The following GCKR variants were observed in gnomAD, a reference collection of about 807,000 sequenced individuals.
GCKR encodes the protein glucokinase regulator.
GCKR carries 73 observed loss-of-function variants against 82.9 expected under a neutral mutation model. That is an observed-to-expected ratio of 0.88 (90% CI 0.73 to 1.07). GCKR has a LOEUF of 1.07. Among genes scored for constraint, GCKR ranks in the 50% least tolerant of loss-of-function variants. The probability of loss-of-function intolerance (pLI) is 0.00; values close to 1 mark genes in which losing one functional copy is unlikely to be tolerated. For missense variants in GCKR, 784 were observed against 782.1 expected, an observed-to-expected ratio of 1.00 and a Z score of -0.03; for synonymous variants, 294 against 291.8, an observed-to-expected ratio of 1.01 and a Z score of -0.08.
intron 16 of GCKR, among the ~76,000 whole-genome samples, chr2:27,510,817 T>C (rs917887617): frequency 6.6e-6 from 1 of 152,062 alleles, no homozygotes; most frequent in East Asian, 1.9e-4. Context: ...ATTCTTTCTT[T>C]GGGGGGTATT....
At chr2:27,522,321 T>C (rs1670169510) in intron 17 of GCKR, 139 bp from the exon 18 acceptor site, 3 of 837,674 alleles carry the variant, frequency 3.6e-6, no homozygotes, top group Non-Finnish European at 6.0e-6. Flanking sequence ...ATTGCCAACA[T>C]GGACAAATCA....
At chr2:27,513,456 A>C (rs569755305) in intron 16 of GCKR, among the ~76,000 whole-genome samples, 93 of 149,766 alleles carry the variant, frequency 6.2e-4, no homozygotes, top group African/African-American at 2.2e-3. Flanking sequence ...TTGAACCAGG[A>C]GGTAGAGGTT....
chr2:27,501,255 GC>G (rs1323237480), intron 8 of GCKR, 26 bp downstream of exon 8: 6 of 1,468,356 alleles, frequency 4.1e-6, no homozygotes, highest in Non-Finnish European at 5.7e-6. Context: ...TGACTGGGCA[GC>G]CCTGGGGCAG....
In GCKR at chr2:27,523,430, C is replaced by A. The variant is rs150021615; in HGVS notation, c.1869C>A (p.Asp623Glu). The change falls in exon 19 of 19, where the codon GAC becomes GAA. Residue 623 changes from aspartate (D) to glutamate (E), a missense_variant. By Grantham distance (45) the Asp-to-Glu change is conservative. Transcript: ENST00000264717. ...TADPLEILEP[D>E]VQ The stretch of plus-strand genomic sequence containing the variant: ...ACCCCCTCGAGATCCTAGAGCCTGA[C>A]GTTCAGTGAACCCATGTTTCTGGGT... 1 of 1,606,552 alleles carries A rather than the reference C, an allele frequency of 6.2e-7. No homozygotes were observed. Among genetic ancestry groups the A allele is most frequent in the South Asian group, 1.1e-5 (1 of 91,074 alleles).
At chr2:27,503,701 AG>A in intron 9 of GCKR, 82 bp downstream of exon 9, 1 of 751,352 alleles carries the variant, frequency 1.3e-6, no homozygotes, top group Non-Finnish European at 2.4e-6. Flanking sequence ...CTCTGATTTT[AG>A]GTTCTATTAT....
At chr2:27,516,868 C>T (rs779055182) in intron 16 of GCKR, among the ~76,000 whole-genome samples, 1 of 152,070 alleles carries the variant, frequency 6.6e-6, no homozygotes, top group African/African-American at 2.4e-5. Flanking sequence ...TATTTAGTGT[C>T]GTGGACATTC....
intron 9 of GCKR, among the ~76,000 whole-genome samples, chr2:27,504,905 G>C (rs540892971): frequency 6.6e-6 from 1 of 151,764 alleles, no homozygotes; most frequent in South Asian, 2.1e-4. Context: ...GCGGGCAGAT[G>C]ACTTGAGGTC....
Position 27,505,844 on chromosome 2 carries a change from G to A in GCKR, c.869+8G>A, listed in dbSNP as rs1669723557. ...CATTGCAGCATCTCAAAGGTAGGGA[G>A]GATCTGGATAAGAGAGAGCTCAGAG... On this transcript the variant is annotated splice_region_variant and intron_variant, in intron 10 of 18. Coordinates refer to ENST00000264717, the MANE Select transcript of GCKR (RefSeq NM_001486.4). 4 of 1,391,048 alleles carry A rather than the reference G, an allele frequency of 2.9e-6. No homozygotes were observed. The highest frequency in any genetic ancestry group is 4.1e-6 in the Non-Finnish European group (4 of 976,190). 86.2% of individuals were successfully genotyped at this position (1,391,048 alleles called of 1,614,324 possible). A position where few individuals can be genotyped will look rare whatever the true frequency, so the allele number is the denominator to read the frequency against.
At chr2:27,515,431 A>G (rs2148590359) in intron 16 of GCKR, among the ~76,000 whole-genome samples, 1 of 151,034 alleles carries the variant, frequency 6.6e-6, no homozygotes, top group South Asian at 2.1e-4. Context: ...GCTTGCCACC[A>G]TGCCTAGCTA....
At chr2:27,521,861 G>A (rs980556438) in intron 17 of GCKR, among the ~76,000 whole-genome samples, 2 of 151,900 alleles carry the variant, frequency 1.3e-5, no homozygotes, top group Non-Finnish European at 2.9e-5. Context: ...TAGCTGGGAC[G>A]ATAGGCAGGT....
chr2:27,501,541 AG>A, intron 8 of GCKR: 1 of 434,028 alleles, frequency 2.3e-6, no homozygotes, highest in Non-Finnish European at 4.4e-6. Context: ...AAATGGGGTC[AG>A]GAAGATGCAT....
rs202176106 is a variant in GCKR, at chr2:27,523,381, G to A, written c.1820G>A (p.Gly607Glu). The change falls in exon 19 of 19, where the codon GGG becomes GAG. Residue 607 changes from glycine to glutamate, a missense_variant. Coordinates refer to ENST00000264717, the MANE Select transcript of GCKR (RefSeq NM_001486.4). ...GAGGCTGTCAGGAGTGCTCTTGCTGGGCCAGGTCAGAAGCGCACTGCGGAC... is the reference window on the plus strand; with the variant it reads ...GAGGCTGTCAGGAGTGCTCTTGCTGAGCCAGGTCAGAAGCGCACTGCGGAC... ...VCEAVRSALAGPGQKRTADPL... is the reference protein window; with the variant it reads ...VCEAVRSALAEPGQKRTADPL... The A allele has an allele frequency of 1.1e-5, 17 of 1,612,158 alleles. No individual in the cohort carries two copies. In the Admixed American group the frequency reaches 1.5e-4, roughly 14 times the overall value.
intron 4 of GCKR, 128 bp downstream of exon 4, chr2:27,498,451 TTCTC>T (rs1410517741): frequency 2.8e-6 from 2 of 724,092 alleles, no homozygotes; most frequent in Non-Finnish European, 4.8e-6. Flanking sequence ...GCCTGGCTCT[TTCTC>T]TCTTCCAAAA....
Position 27,523,595 on chromosome 2 carries a change from G to C in GCKR, c.*156G>C, listed in dbSNP as rs1670204210. 1.4e-6 allele frequency: 1 copy of C among 715,192 alleles called. No individual in the cohort carries two copies. Among genetic ancestry groups the C allele is most frequent in the African/African-American group, 1.7e-5 (1 of 57,206 alleles). 44.3% of individuals were successfully genotyped at this position (715,192 alleles called of 1,614,324 possible). A position where few individuals can be genotyped will look rare whatever the true frequency, so the allele number is the denominator to read the frequency against. On this transcript the variant is annotated 3_prime_UTR_variant, in exon 19 of 19. Coordinates refer to ENST00000264717, the MANE Select transcript of GCKR (RefSeq NM_001486.4). ...AGGGAGAAATATTCTCTCCACTTTG[G>C]GGGAGAGTTCTTGCTCTCGACCTAG...
At chr2:27,505,125 C>CAAAA (rs146563052) in intron 9 of GCKR, among the ~76,000 whole-genome samples, 12 of 25,426 alleles carry the variant, frequency 4.7e-4, no homozygotes, top group East Asian at 2.8e-3. Flanking sequence ...GACTCCATCT[C>CAAAA]AAAAAAAAAA....
chr2:27,518,612 C>T (rs1670067421), intron 16 of GCKR, among the ~76,000 whole-genome samples, 176 bp from the exon 17 acceptor site: 1 of 152,162 alleles, frequency 6.6e-6, no homozygotes, highest in African/African-American at 2.4e-5. Context: ...CTGAGACAAT[C>T]CTGGTTTACA....
chr2:27,506,365 G>A (rs1669742836), intron 10 of GCKR, 116 bp from the exon 11 acceptor site: 1 of 767,020 alleles, frequency 1.3e-6, no homozygotes, highest in Admixed American at 1.9e-5. Flanking sequence ...CCTCTCCAGG[G>A]ACCAGCAGAA....
chr2:27,510,528 T>C (rs1452783036), intron 16 of GCKR, among the ~76,000 whole-genome samples: 1 of 152,210 alleles, frequency 6.6e-6, no homozygotes, highest in Non-Finnish European at 1.5e-5. Context: ...TGTAAAATTT[T>C]GAAGCTTTTT....
intron 16 of GCKR, among the ~76,000 whole-genome samples, chr2:27,508,555 C>G (rs540470032): frequency 6.6e-6 from 1 of 152,334 alleles, no homozygotes. Context: ...GAGTCTCACT[C>G]TGTCGCCCAG....
Sources: allele counts gnomAD v4.1 joint callset (sites outside exome capture counted in the v4.1 genomes callset), GRCh38; gene constraint gnomAD v4.1.1; transcripts MANE v1.5; gene names NCBI Gene and HGNC (gene_info 2026-07-23, HGNC 2026-07-21).